OXR1: variants seen among roughly 807,000 people sequenced by gnomAD.
OXR1 encodes the protein oxidation resistance 1, also known as oxidation resistance protein 1.
Under a neutral mutation model 104.6 loss-of-function variants are expected in OXR1, and 41 were observed. That is an observed-to-expected ratio of 0.39 (90% CI 0.31 to 0.51). The LOEUF is 0.51. OXR1 is among the 20% of genes least tolerant of loss of function. The pLI, the probability that OXR1 is intolerant of heterozygous loss-of-function variation, is 0.77. For synonymous variants in OXR1, 348 were observed against 348.4 expected (o/e 1.00, Z 0.01); for missense variants, 955 against 1,031.9 (o/e 0.93, Z 1.02).
At chr8:106,361,703 G>A (rs1312801619) in intron 2 of OXR1, among the ~76,000 whole-genome samples, 3 of 152,056 alleles carry the variant, frequency 2.0e-5, no homozygotes, top group African/African-American at 7.2e-5. Flanking sequence ...TAACAGGAAT[G>A]CACAGTAACT....
chr8:106,575,713 A>G (rs111786871), intron 3 of OXR1, among the ~76,000 whole-genome samples: 75,271 of 150,066 alleles, frequency 0.5, 19,067 homozygotes, highest in African/African-American at 0.54. Context: ...AAAAAAAAAA[A>G]AGAGAAAGGG....
At chr8:106,578,308 C>T (rs1177667702) in intron 3 of OXR1, among the ~76,000 whole-genome samples, 3 of 152,140 alleles carry the variant, frequency 2.0e-5, no homozygotes, top group Non-Finnish European at 4.4e-5. Context: ...TTAGTGTCAT[C>T]AACTTGATAC....
chr8:106,580,986 A>C (rs930903002), intron 3 of OXR1: 1 of 1,021,832 alleles, frequency 9.8e-7, no homozygotes. Flanking sequence ...TCTTGTGGCT[A>C]CCACTGTCTT....
chr8:106,437,527 G>C (rs1377047619), intron 2 of OXR1, among the ~76,000 whole-genome samples: 1 of 152,088 alleles, frequency 6.6e-6, no homozygotes, highest in Non-Finnish European at 1.5e-5. Flanking sequence ...TTAGAGGACA[G>C]TACTCTCCCC....
chr8:106,552,228 C>T (rs976809231), intron 3 of OXR1, among the ~76,000 whole-genome samples: 4 of 152,168 alleles, frequency 2.6e-5, no homozygotes, highest in African/African-American at 9.6e-5. Flanking sequence ...AAGCTGCCAT[C>T]ACCCTTTCTG....
At chr8:106,452,460 A>G (rs987619863) in intron 2 of OXR1, among the ~76,000 whole-genome samples, 3 of 152,170 alleles carry the variant, frequency 2.0e-5, no homozygotes, top group African/African-American at 7.2e-5. Flanking sequence ...AATTAACAGG[A>G]AAATTGTTTC....
intron 1 of OXR1, among the ~76,000 whole-genome samples, chr8:106,342,641 T>C (rs928619336): frequency 6.6e-6 from 1 of 152,304 alleles, no homozygotes; most frequent in East Asian, 1.9e-4. Flanking sequence ...TGGGTTGTTT[T>C]TTCATAGTTC....
chr8:106,657,898 G>T, intron 3 of OXR1: 7 of 1,246,266 alleles, frequency 5.6e-6, no homozygotes, highest in South Asian at 4.2e-5. Flanking sequence ...GGTCAGGTCT[G>T]ATGGGCCGGT....
At chr8:106,405,649 T>A (rs1294392167) in intron 2 of OXR1, among the ~76,000 whole-genome samples, 1 of 152,060 alleles carries the variant, frequency 6.6e-6, no homozygotes, top group South Asian at 2.1e-4. Flanking sequence ...TGCTAGAGGA[T>A]GAGAGAGTAT....
At chr8:106,745,984 G>C (rs1835364470) in intron 16 of OXR1, 122 bp downstream of exon 16, 8 of 590,930 alleles carry the variant, frequency 1.4e-5, no homozygotes, top group Non-Finnish European at 2.1e-5. Context: ...TGTATATTAT[G>C]AAAAAGAGAG....
intron 2 of OXR1, among the ~76,000 whole-genome samples, chr8:106,507,564 G>A (rs1428104417): frequency 6.6e-6 from 1 of 152,232 alleles, no homozygotes; most frequent in African/African-American, 2.4e-5. Context: ...GTACAAAGCA[G>A]TATTTTGGAG....
chr8:106,300,014 A>G (rs182412982), intron 1 of OXR1, among the ~76,000 whole-genome samples: 1 of 152,344 alleles, frequency 6.6e-6, no homozygotes, highest in East Asian at 1.9e-4. Flanking sequence ...AGGCAAAGAA[A>G]TCAGTATAAA....
intron 2 of OXR1, among the ~76,000 whole-genome samples, chr8:106,433,254 G>A (rs1819435539): frequency 6.6e-6 from 1 of 152,130 alleles, no homozygotes; most frequent in African/African-American, 2.4e-5. Context: ...CTGTTCCTGG[G>A]TGTGATGGCA....
At position 106,420,993 on chromosome 8, in the gene OXR1, C is replaced by T. The variant is rs536602770; in HGVS notation, c.23+61357C>T. ...TCTGAGTGTTTTTGAGGCTGTACCCCATCAATAAAACCTGTCCTTCCAATA... is the reference window on the plus strand; with the variant it reads ...TCTGAGTGTTTTTGAGGCTGTACCCTATCAATAAAACCTGTCCTTCCAATA... On this transcript the variant is annotated intron_variant, in intron 2 of 16. Coordinates refer to ENST00000517566, the MANE Select transcript of OXR1 (RefSeq NM_001198533.2). 1.8e-3 allele frequency among the ~76,000 whole-genome samples: 276 copies of T among 152,064 alleles called. 2 individuals carry two copies. Among genetic ancestry groups the T allele is most frequent in the Middle Eastern group, 0.01 (3 of 294 alleles).
intron 3 of OXR1, among the ~76,000 whole-genome samples, chr8:106,536,407 C>T (rs1050526377): frequency 6.6e-6 from 1 of 151,768 alleles, no homozygotes; most frequent in African/African-American, 2.4e-5. Flanking sequence ...TTTGCAGTCT[C>T]CCTAACATCA....
At chr8:106,583,790 A>G (rs1818425761) in intron 3 of OXR1, among the ~76,000 whole-genome samples, 1 of 152,130 alleles carries the variant, frequency 6.6e-6, no homozygotes, top group Non-Finnish European at 1.5e-5. Flanking sequence ...CGAAAAGCAG[A>G]TTGACCTAGG....
At chr8:106,539,956 A>G (rs547780739) in intron 3 of OXR1, among the ~76,000 whole-genome samples, 1 of 152,318 alleles carries the variant, frequency 6.6e-6, no homozygotes, top group East Asian at 1.9e-4. Context: ...AGAAAAAATA[A>G]TATTTATATA....
At chr8:106,426,705 T>C (rs1819135274) in intron 2 of OXR1, among the ~76,000 whole-genome samples, 1 of 152,194 alleles carries the variant, frequency 6.6e-6, no homozygotes. Flanking sequence ...AGTCTCTTTA[T>C]AAAATTAATA....
Position 106,544,036 on chromosome 8 carries a change from C to CAT in OXR1, c.220+24905_220+24906dup, listed in dbSNP as rs548999746. Among the ~76,000 whole-genome samples, 110 of 152,174 alleles carry CAT rather than the reference C, an allele frequency of 7.2e-4. 1 individual carries two copies. The South Asian group carries it at 0.022, about 30-fold the overall frequency. ...TAGGTCAGGGATGACACTGCATTGA[C>CAT]ATATATATAATAAAAAGCACACTAG... On this transcript the variant is annotated intron_variant, in intron 3 of 16. Transcript: ENST00000517566.
Sources: allele counts gnomAD v4.1 joint callset (sites outside exome capture counted in the v4.1 genomes callset), GRCh38; gene constraint gnomAD v4.1.1; transcripts MANE v1.5; gene names NCBI Gene and HGNC (gene_info 2026-07-23, HGNC 2026-07-21).